ERBB4: variants seen among roughly 807,000 people sequenced by gnomAD.
ERBB4 encodes the protein receptor tyrosine-protein kinase erbB-4.
ERBB4 carries 42 observed loss-of-function variants against 158.0 expected under a neutral mutation model. That is an observed-to-expected ratio of 0.27 (90% confidence interval 0.21 to 0.34). The LOEUF (loss-of-function observed/expected upper bound fraction) is 0.34. Ranked by LOEUF, ERBB4 falls within the 10% of genes least tolerant of loss-of-function variation. The pLI is 1.00. For synonymous variants in ERBB4, 583 were observed against 558.7 expected (o/e 1.04, Z -0.61); for missense variants, 1,333 against 1,624.1 (o/e 0.82, Z 3.08).
At chr2:211,786,316 AAC>A (rs2076163559) in intron 4 of ERBB4, among the ~76,000 whole-genome samples, 1 of 152,218 alleles carries the variant, frequency 6.6e-6, no homozygotes, top group Non-Finnish European at 1.5e-5. Context: ...ATAGTCAAAA[AAC>A]AGTCAATTCA....
chr2:212,460,396 T>C (rs1688510443), intron 1 of ERBB4, among the ~76,000 whole-genome samples: 1 of 152,176 alleles, frequency 6.6e-6, no homozygotes, highest in Admixed American at 6.5e-5. Flanking sequence ...TGGGAAAGTT[T>C]GGAACTTCGT....
At chr2:211,625,795 C>G (rs531419068) in intron 17 of ERBB4, among the ~76,000 whole-genome samples, 16 of 152,170 alleles carry the variant, frequency 1.1e-4, no homozygotes, top group African/African-American at 3.6e-4. Flanking sequence ...TAAAATCACA[C>G]AAAATACTGG....
At chr2:211,960,505 C>T (rs2081152703) in intron 2 of ERBB4, 1 of 151,886 alleles carries the variant, frequency 6.6e-6, no homozygotes, top group African/African-American at 2.4e-5. Context: ...GTTGTAACAC[C>T]AGGTAACGAA....
At chr2:211,444,031 A>G (rs1017562645) in intron 20 of ERBB4, among the ~76,000 whole-genome samples, 1 of 152,024 alleles carries the variant, frequency 6.6e-6, no homozygotes. Context: ...TCAACTGCCA[A>G]CCACATCTCC....
At chr2:212,191,679 T>C (rs1324274588) in intron 1 of ERBB4, among the ~76,000 whole-genome samples, 1 of 51,774 alleles carries the variant, frequency 1.9e-5, no homozygotes, top group African/African-American at 5.3e-5. Context: ...ATATCGCGTG[T>C]GTTATACATG....
intron 5 of ERBB4, among the ~76,000 whole-genome samples, chr2:211,726,674 T>C (rs1324191285): frequency 6.6e-6 from 1 of 152,206 alleles, no homozygotes; most frequent in Non-Finnish European, 1.5e-5. Flanking sequence ...CTCTAAATGA[T>C]TACATAGTGT....
At chr2:211,993,102 C>A (rs2082117872) in intron 2 of ERBB4, among the ~76,000 whole-genome samples, 1 of 152,110 alleles carries the variant, frequency 6.6e-6, no homozygotes, top group South Asian at 2.1e-4. Flanking sequence ...GAGTTGTTTT[C>A]CCTCAGAATC....
chr2:212,378,363 G>A (rs1478539223), intron 1 of ERBB4, among the ~76,000 whole-genome samples: 3 of 151,846 alleles, frequency 2.0e-5, no homozygotes, highest in East Asian at 3.9e-4. Flanking sequence ...GCCCTGCATT[G>A]AGCATTAAAA....
rs1056815989 is a variant in ERBB4, at chr2:212,322,968, TA to T, written c.83-198066del. ...AAAAATCATTCTTGAAATCAGTACT[TA>T]AAAAAAAATAGGGAGCTGATTGCTT... On this transcript the variant is annotated intron_variant, in intron 1 of 27. Transcript: ENST00000342788. Among the ~76,000 whole-genome samples the T allele has an allele frequency of 7.0e-4, 105 of 149,060 alleles. 2 individuals carry two copies. The highest frequency in any genetic ancestry group is 2.5e-3 in the African/African-American group (101 of 41,116).
chr2:212,387,913 T>C (rs2090731938), intron 1 of ERBB4, among the ~76,000 whole-genome samples: 1 of 152,130 alleles, frequency 6.6e-6, no homozygotes. Context: ...GAGCATTGTA[T>C]AATTAACTAG....
chr2:212,081,029 C>T (rs1317009896), intron 2 of ERBB4, among the ~76,000 whole-genome samples: 3 of 152,104 alleles, frequency 2.0e-5, no homozygotes. Context: ...CATTATATGT[C>T]TATGCTCACT....
Position 211,713,480 on chromosome 2 carries a change from A to T in ERBB4, c.997+55T>A, listed in dbSNP as rs903418267. 6.3e-6 allele frequency: 7 copies of T among 1,111,336 alleles called. No individual in the cohort carries two copies. The African/African-American group carries it at 1.1e-4, about 17-fold the overall frequency. The allele number at this position is 1,111,336 out of a possible 1,614,324, so 68.8% of individuals were successfully genotyped here. A position where few individuals can be genotyped will look rare whatever the true frequency, so the allele number is the denominator to read the frequency against. ...AAGTTGGTCTACTTAAAAGTGAATT[A>T]AAAACCTTGTTATATAGGCCCAGTT... On this transcript the variant is annotated intron_variant, in intron 8 of 27. Transcript: ENST00000342788.
chr2:211,414,464 C>A (rs1295823085), intron 25 of ERBB4, among the ~76,000 whole-genome samples: 2 of 141,042 alleles, frequency 1.4e-5, no homozygotes, highest in Non-Finnish European at 3.0e-5. Flanking sequence ...TCACTGCACT[C>A]CAGCCTGGGT....
chr2:211,730,959 C>T (rs2074410170), intron 5 of ERBB4, among the ~76,000 whole-genome samples: 1 of 152,098 alleles, frequency 6.6e-6, no homozygotes, highest in African/African-American at 2.4e-5. Context: ...AACTTAATCA[C>T]AGTGACTTCT....
chr2:211,395,446 T>TAATA (rs1238609471), intron 25 of ERBB4, among the ~76,000 whole-genome samples: 1 of 152,086 alleles, frequency 6.6e-6, no homozygotes, highest in Non-Finnish European at 1.5e-5. Context: ...AATTAACTTT[T>TAATA]AATAAATAAT....
At position 211,818,698 on chromosome 2, in the gene ERBB4, A is replaced by G. The variant is rs2076928517; in HGVS notation, c.422-30539T>C. Among the ~76,000 whole-genome samples the G allele has an allele frequency of 3.3e-5, 5 of 152,118 alleles. No homozygotes were observed. The South Asian group carries it at 1.0e-3, about 31-fold the overall frequency. On this transcript the variant is annotated intron_variant, in intron 3 of 27. Coordinates refer to ENST00000342788, the MANE Select transcript of ERBB4 (RefSeq NM_005235.3). ...AATAAATACACTAAAACTCAACTAC[A>G]TATTTCCATTAACTTGAAACTATTT... is the stretch of plus-strand genomic sequence containing the variant.
chr2:212,497,227 A>T (rs541311703), intron 1 of ERBB4, among the ~76,000 whole-genome samples: 8 of 151,946 alleles, frequency 5.3e-5, no homozygotes, highest in African/African-American at 1.4e-4. Context: ...AAACAAATTT[A>T]AAAAAACAAT....
intron 25 of ERBB4, among the ~76,000 whole-genome samples, chr2:211,389,724 G>A (rs575270092): frequency 3.3e-5 from 5 of 152,210 alleles, no homozygotes; most frequent in African/African-American, 1.2e-4. Context: ...TAAGTGGTGT[G>A]AATTTGGTGA....
At position 212,460,684 on chromosome 2, in the gene ERBB4, T is replaced by A. The variant is rs550717418; in HGVS notation, c.82+77765A>T. On this transcript the variant is annotated intron_variant, in intron 1 of 27. Coordinates refer to ENST00000342788, the MANE Select transcript of ERBB4 (RefSeq NM_005235.3). ...ACTTAGATGCTGTTAAAGCACTCAG[T>A]TTTGTAAATAGAGAAGAGCATACAA... Among the ~76,000 whole-genome samples the A allele has an allele frequency of 2.6e-5, 4 of 152,224 alleles. No homozygotes were observed. The East Asian group carries it at 7.7e-4, about 29-fold the overall frequency.
Sources: gnomAD v4.1 joint callset for allele counts (sites outside exome capture counted in the v4.1 genomes callset) on GRCh38, gnomAD v4.1.1 for gene constraint, MANE v1.5 for transcripts, NCBI Gene and HGNC (gene_info 2026-07-23, HGNC 2026-07-21) for gene names.